OPRL1: variants seen among roughly 807,000 people sequenced by gnomAD.
OPRL1 encodes nociceptin receptor.
In OPRL1, 5 loss-of-function variants were observed where a neutral mutation model predicts 15.5. The observed-to-expected ratio is 0.32, with a 90% confidence interval of 0.17 to 0.68. The LOEUF (loss-of-function observed/expected upper bound fraction) is 0.68, where lower values mean the gene tolerates loss of function less well. Ranked by LOEUF, OPRL1 falls within the 30% of genes least tolerant of loss-of-function variation. OPRL1 has a pLI of 0.72. For missense variants in OPRL1, 406 were observed against 515.3 expected, an observed-to-expected ratio of 0.79 and a Z score of 2.05; for synonymous variants, 223 against 230.2, an observed-to-expected ratio of 0.97 and a Z score of 0.28.
At position 64,097,834 on chromosome 20, in the gene OPRL1, A is replaced by G. The variant is rs1172734924; in HGVS notation, c.266A>G (p.Tyr89Cys). Residue 89 changes from tyrosine (Y) to cysteine (C), a missense_variant, in exon 4 of 5, where the codon TAC becomes TGC. Coordinates refer to ENST00000336866, the MANE Select transcript of OPRL1 (RefSeq NM_182647.4). This position sits in a 1 kb window ranked among gnomAD's most constrained non-coding sequence, Gnocchi z 4.2. The part of the protein sequence containing the change: ...HTKMKTATNI[Y>C]IFNLALADTL... ...AAAATGAAGACAGCCACCAATATTT[A>G]CATCTTTAACCTGGCCCTGGCCGAC... 1.2e-6 allele frequency: 2 copies of G among 1,613,150 alleles called. No individual in the cohort carries two copies. The highest frequency in any genetic ancestry group is 8.5e-7 in the Non-Finnish European group (1 of 1,179,654).
In OPRL1 at chr20:64,090,621, C is replaced by G. The variant is rs1211651911; in HGVS notation, c.-184-1345C>G. ...TCACCCACACAGCCTTGACCTGTGA[C>G]CTTTCATCTCAGTGGATCAGGCATG... On this transcript the variant is annotated intron_variant, in intron 1 of 4. Transcript: ENST00000336866. This position sits in a 1 kb window ranked among gnomAD's most constrained non-coding sequence, Gnocchi z 4.9. 6.6e-6 allele frequency among the ~76,000 whole-genome samples: 1 copy of G among 152,190 alleles called. No individual in the cohort carries two copies. Among genetic ancestry groups the G allele is most frequent in the African/African-American group, 2.4e-5 (1 of 41,444 alleles).
Position 64,099,202 on chromosome 20 carries a change from G to A in OPRL1, c.*403G>A, listed in dbSNP as rs921159365. The stretch of plus-strand genomic sequence containing the variant: ...CAGAACCCTGGGTGGGCAGGCACCC[G>A]GAGGAGGAGCAGCAGCTGTGTCATC... On this transcript the variant is annotated 3_prime_UTR_variant, in exon 5 of 5. Transcript: ENST00000336866. 3.2e-5 allele frequency: 8 copies of A among 248,678 alleles called. No individual in the cohort carries two copies. The highest frequency in any genetic ancestry group is 1.8e-4 in the East Asian group (2 of 11,238). The allele number at this position is 248,678 out of a possible 1,614,324, so 15.4% of individuals were successfully genotyped here. A position where few individuals can be genotyped will look rare whatever the true frequency, so the allele number is the denominator to read the frequency against.
chr20:64,097,877 G>T lies in OPRL1; in HGVS notation c.309G>T (p.Thr103=). The T allele has an allele frequency of 1.2e-6, 2 of 1,613,556 alleles. No individual in the cohort carries two copies. The highest frequency in any genetic ancestry group is 1.7e-6 in the Non-Finnish European group (2 of 1,179,972). ...LALADTLVLL[T]LPFQGTDILL... ...TGGCCGACACTCTGGTCCTGCTGAC[G>T]CTGCCCTTCCAGGGCACGGACATCC... is the stretch of plus-strand genomic sequence containing the variant. Residue 103 remains threonine (T), a synonymous_variant, in exon 4 of 5, where the codon ACG becomes ACT. Coordinates refer to ENST00000336866, the MANE Select transcript of OPRL1 (RefSeq NM_182647.4). The surrounding 1 kb of genome is among the most constrained non-coding windows in gnomAD (Gnocchi z 4.2).
chr20:64,092,610 C>G (rs1164069629), intron 2 of OPRL1, 78 bp from the exon 3 acceptor site: 12 of 1,119,042 alleles, frequency 1.1e-5, no homozygotes, highest in Non-Finnish European at 1.5e-5. Flanking sequence ...GCCTGCTGGG[C>G]TGCACGTGCT....
At chr20:64,096,158 T>A (rs1979087929) in intron 3 of OPRL1, among the ~76,000 whole-genome samples, 1 of 152,158 alleles carries the variant, frequency 6.6e-6, no homozygotes, top group African/African-American at 2.4e-5. Context: ...GCTTCTCTAC[T>A]GTGTTTCTCC....
chr20:64,081,945 G>A (rs1457960755), intron 1 of OPRL1, among the ~76,000 whole-genome samples: 1 of 152,116 alleles, frequency 6.6e-6, no homozygotes, highest in East Asian at 1.9e-4. Flanking sequence ...ATCCCCTTTG[G>A]AGCACTTGCT....
chr20:64,081,041 C>T (rs1412179498), intron 1 of OPRL1, among the ~76,000 whole-genome samples: 7 of 149,992 alleles, frequency 4.7e-5, no homozygotes, highest in South Asian at 2.1e-4. Flanking sequence ...TGCTGGGGGG[C>T]GCAGAGTGAG....
At chr20:64,081,061 G>T (rs2059961372) in intron 1 of OPRL1, among the ~76,000 whole-genome samples, 1 of 151,628 alleles carries the variant, frequency 6.6e-6, no homozygotes, top group Non-Finnish European at 1.5e-5. Flanking sequence ...GTTGTGGGGA[G>T]CAGGCAGGGA....
At chr20:64,098,215 C>T (rs1979416300) in intron 4 of OPRL1, 58 bp downstream of exon 4, 1 of 1,603,626 alleles carries the variant, frequency 6.2e-7, no homozygotes, top group Non-Finnish European at 8.5e-7. Flanking sequence ...GGTGGCTCCT[C>T]TGGGCCCACG....
chr20:64,084,062 G>A lies in OPRL1; in HGVS notation c.-185+3710G>A, dbSNP rs995442584. The A allele has an allele frequency of 2.0e-6, 3 of 1,498,192 alleles. No individual in the cohort carries two copies. Among genetic ancestry groups the A allele is most frequent in the Non-Finnish European group, 2.6e-6 (3 of 1,134,102 alleles). The allele number at this position is 1,498,192 out of a possible 1,614,324, so 92.8% of individuals were successfully genotyped here. A position where few individuals can be genotyped will look rare whatever the true frequency, so the allele number is the denominator to read the frequency against. On this transcript the variant is annotated intron_variant, in intron 1 of 4. Coordinates refer to ENST00000336866, the MANE Select transcript of OPRL1 (RefSeq NM_182647.4). ...GCGGTGGCGCTGCGCAGGGAGCATG[G>A]CCGCCAGTCCCTGCGGCGTCAGGGC...
intron 1 of OPRL1, chr20:64,084,330 G>C: frequency 7.8e-7 from 1 of 1,289,026 alleles, no homozygotes; most frequent in Non-Finnish European, 9.8e-7. Flanking sequence ...CGCCCGCTGG[G>C]CTCTCCGCAG....
intron 2 of OPRL1, 98 bp downstream of exon 2, chr20:64,092,214 G>A (rs1167157953): frequency 1.3e-5 from 2 of 156,256 alleles, no homozygotes; most frequent in East Asian, 3.8e-4. Context: ...TGGGTCCCAG[G>A]CGTTTCTGGG....
In OPRL1 at chr20:64,092,839, C is replaced by A; in HGVS notation, c.119C>A (p.Ala40Asp). The A allele has an allele frequency of 6.2e-7, 1 of 1,612,780 alleles. No homozygotes were observed. Among genetic ancestry groups the A allele is most frequent in the Admixed American group, 1.7e-5 (1 of 60,024 alleles). Residue 40 changes from alanine (A) to aspartate (D), a missense_variant, in exon 3 of 5, where the codon GCC (alanine) becomes GAC (aspartate). Physicochemically the swap from Ala to Asp is moderately radical, Grantham distance 126 (BLOSUM62 -2). Transcript: ENST00000336866. The part of the protein sequence containing the change: ...SLLPPHLLLN[A>D]SHGAFLPLGL... The stretch of plus-strand genomic sequence containing the variant: ...CTGCCCCCGCATCTGCTGCTCAATG[C>A]CAGCCACGGCGCCTTCCTGCCCCTC...
rs534873633 is a variant in OPRL1 at position 64,098,440 on chromosome 20, C to T, written c.754C>T (p.Arg252Ter). Residue 252 changes from arginine to a stop codon, truncating the protein, a stop_gained, in exon 5 of 5, where the codon CGA becomes TGA. Transcript: ENST00000336866. LOFTEE classifies it high-confidence loss of function. The stretch of plus-strand genomic sequence containing the variant: ...TGGAGTCCGCCTGCTCTCGGGCTCC[C>T]GAGAGAAGGACCGGAACCTGCGGCG... ...LRGVRLLSGS[R>*]EKDRNLRRIT... 145 of 1,613,478 alleles carry T rather than the reference C, an allele frequency of 9.0e-5. No homozygotes were observed. Among genetic ancestry groups the T allele is most frequent in the East Asian group, 4.0e-4 (18 of 44,880 alleles).
At chr20:64,086,828 C>T (rs966383457) in intron 1 of OPRL1, among the ~76,000 whole-genome samples, 6 of 152,182 alleles carry the variant, frequency 3.9e-5, no homozygotes, top group South Asian at 2.1e-4. Context: ...GGCTGCCAGA[C>T]CCTCTGCCTT....
rs753624518 is a variant in OPRL1 at position 64,097,819 on chromosome 20, C to G, written c.251C>G (p.Thr84Arg). ...YVILRHTKMKTATNIYIFNLA... is the reference protein window; with the variant it reads ...YVILRHTKMKRATNIYIFNLA... ...CTCCGCAGGCACACCAAAATGAAGA[C>G]AGCCACCAATATTTACATCTTTAAC... The change falls in exon 4 of 5, where the codon ACA becomes AGA. Residue 84 changes from threonine to arginine, a missense_variant. Coordinates refer to ENST00000336866, the MANE Select transcript of OPRL1 (RefSeq NM_182647.4). This position sits in a 1 kb window ranked among gnomAD's most constrained non-coding sequence, Gnocchi z 4.2. 3.7e-6 allele frequency: 6 copies of G among 1,612,038 alleles called. No homozygotes were observed. Among genetic ancestry groups the G allele is most frequent in the Non-Finnish European group, 5.1e-6 (6 of 1,178,674 alleles).
intron 1 of OPRL1, among the ~76,000 whole-genome samples, chr20:64,082,070 T>C (rs1411495833): frequency 6.6e-6 from 1 of 152,206 alleles, no homozygotes; most frequent in Non-Finnish European, 1.5e-5. Flanking sequence ...AGGCACTCAG[T>C]CAATCCCCAA....
Position 64,090,603 on chromosome 20 carries a change from C to A in OPRL1, c.-184-1363C>A, listed in dbSNP as rs917541448. On this transcript the variant is annotated intron_variant, in intron 1 of 4. Coordinates refer to ENST00000336866, the MANE Select transcript of OPRL1 (RefSeq NM_182647.4). The surrounding 1 kb of genome is among the most constrained non-coding windows in gnomAD (Gnocchi z 4.9). The stretch of plus-strand genomic sequence containing the variant: ...GGTGATTCAGCTCAGGGGTCACCCA[C>A]ACAGCCTTGACCTGTGACCTTTCAT... 1.3e-5 allele frequency among the ~76,000 whole-genome samples: 2 copies of A among 152,226 alleles called. No homozygotes were observed. The highest frequency in any genetic ancestry group is 6.5e-5 in the Admixed American group (1 of 15,290).
intron 1 of OPRL1, chr20:64,084,224 C>T: frequency 7.2e-7 from 1 of 1,394,474 alleles, no homozygotes; most frequent in East Asian, 3.1e-5. Flanking sequence ...CGGCATCCTC[C>T]CGCCCTGCGG....
Sources: allele counts gnomAD v4.1 joint callset (sites outside exome capture counted in the v4.1 genomes callset), GRCh38; gene constraint gnomAD v4.1.1; non-coding constraint Gnocchi (gnomAD v3.1); transcripts MANE v1.5; gene names NCBI Gene and HGNC (gene_info 2026-07-23, HGNC 2026-07-21).